PCM1: variants seen among roughly 807,000 people sequenced by gnomAD.
The protein encoded by PCM1 is pericentriolar material 1.
PCM1 carries 157 observed loss-of-function variants against 241.9 expected under a neutral mutation model. That is an observed-to-expected ratio of 0.65 (90% CI 0.57 to 0.74). PCM1 has a LOEUF of 0.74. Ranked by LOEUF, PCM1 falls within the 30% of genes least tolerant of loss-of-function variation. The probability of loss-of-function intolerance (pLI) is 0.00; values close to 1 mark genes in which losing one functional copy is unlikely to be tolerated. For missense variants in PCM1, 3,478 were observed against 2,360.1 expected, an observed-to-expected ratio of 1.47 and a Z score of -9.81; for synonymous variants, 1,085 against 784.9, an observed-to-expected ratio of 1.38 and a Z score of -6.39.
At chr8:17,961,778 G>A (rs1008206510) in intron 15 of PCM1, among the ~76,000 whole-genome samples, 15 of 152,154 alleles carry the variant, frequency 9.9e-5, no homozygotes, top group African/African-American at 3.6e-4. Flanking sequence ...GGTGGGTTAA[G>A]TATACAAAAT....
In PCM1 at chr8:17,966,860, G is replaced by T. The variant is rs2075067347; in HGVS notation, c.3222-120G>T. On this transcript the variant is annotated intron_variant, in intron 20 of 38. Coordinates refer to ENST00000325083, the MANE Select transcript of PCM1 (RefSeq NM_006197.4). The stretch of plus-strand genomic sequence containing the variant: ...ATAGAGCAAGCACGTATTTGTTACA[G>T]TATCAGAGCAGTTTGTCTGCATGCT... 6 of 856,954 alleles carry T rather than the reference G, an allele frequency of 7.0e-6. No homozygotes were observed. The Admixed American group carries it at 1.7e-4, about 24-fold the overall frequency. 53.1% of individuals were successfully genotyped at this position (856,954 alleles called of 1,614,324 possible).
chr8:17,945,503 T>A (rs945308544), intron 6 of PCM1, among the ~76,000 whole-genome samples: 1 of 152,188 alleles, frequency 6.6e-6, no homozygotes, highest in African/African-American at 2.4e-5. Context: ...ATAATCTAAT[T>A]ATAGCCAACT....
chr8:18,014,712 C>T lies in PCM1; in HGVS notation c.5713C>T (p.Pro1905Ser). 2 of 1,613,736 alleles carry T rather than the reference C, an allele frequency of 1.2e-6. No individual in the cohort carries two copies. The highest frequency in any genetic ancestry group is 1.6e-4 in the Middle Eastern group (1 of 6,062). ...TTCAACTCAACAGCCTAACCCTTTG[C>T]CGTTACGTTTACCTGAAATGGAACC... ...VDSTQQPNPL[P>S]LRLPEMEPLV... Residue 1905 changes from proline to serine, a missense_variant, in exon 36 of 39, where the codon CCG becomes TCG. By Grantham distance (74) the Pro-to-Ser change is moderately conservative (BLOSUM62 -1). Transcript: ENST00000325083.
At chr8:17,990,599 A>C (rs1564213170) in intron 27 of PCM1, among the ~76,000 whole-genome samples, 1 of 152,022 alleles carries the variant, frequency 6.6e-6, no homozygotes, top group Admixed American at 6.6e-5. Context: ...AAATTTAAGG[A>C]AAAGAAAAAT....
chr8:17,936,708 A>C (rs1024592673), intron 3 of PCM1, among the ~76,000 whole-genome samples: 1 of 152,204 alleles, frequency 6.6e-6, no homozygotes, highest in Non-Finnish European at 1.5e-5. Context: ...TTCAGAAAAC[A>C]GTAATTAGGT....
chr8:17,962,037 T>G lies in PCM1; in HGVS notation c.2326T>G (p.Ser776Ala). 1 of 1,606,808 alleles carries G rather than the reference T, an allele frequency of 6.2e-7. No homozygotes were observed. Among genetic ancestry groups the G allele is most frequent in the Non-Finnish European group, 8.5e-7 (1 of 1,176,612 alleles). ...TTTTTTGTGAATTCCTTTTTAGCTG[T>G]CAGCTGCTAGTGTGGGTAACTGTCC... Reference protein sequence around the residue: ...LQTACPDLQLSAASVGNCPTK... With the variant: ...LQTACPDLQLAAASVGNCPTK... Residue 776 changes from serine (S) to alanine (A), a missense_variant, in exon 16 of 39, where the codon TCA becomes GCA. Ser to Ala is a moderately conservative substitution (Grantham distance 99). Coordinates refer to ENST00000325083, the MANE Select transcript of PCM1 (RefSeq NM_006197.4).
intron 6 of PCM1, among the ~76,000 whole-genome samples, chr8:17,943,463 C>T (rs779235700): frequency 2.6e-5 from 4 of 152,076 alleles, no homozygotes; most frequent in Admixed American, 6.6e-5. Context: ...TCTCTTTAAT[C>T]CTTCTGAATA....
chr8:17,968,777 T>TAC (rs1458825056), intron 21 of PCM1, among the ~76,000 whole-genome samples: 10 of 148,620 alleles, frequency 6.7e-5, no homozygotes, highest in Non-Finnish European at 1.0e-4. Context: ...TATATATATA[T>TAC]ACACACCACA....
chr8:17,942,863 A>T (rs2062586804), intron 6 of PCM1, among the ~76,000 whole-genome samples: 1 of 151,774 alleles, frequency 6.6e-6, no homozygotes, highest in African/African-American at 2.4e-5. Flanking sequence ...CAGGTGTGGT[A>T]GTATGCACCT....
intron 36 of PCM1, among the ~76,000 whole-genome samples, chr8:18,018,364 G>A (rs1386861980): frequency 6.6e-6 from 1 of 152,278 alleles, no homozygotes; most frequent in East Asian, 1.9e-4. Flanking sequence ...CTGACAAAGG[G>A]AAGATTAAAA....
rs1588119556 is a variant in PCM1, at chr8:17,996,987, CTG to C, written c.4827+3369_4827+3370del. ...ATAATATTCTGTGTACTTTCTATTACTGGTGAATTTTGTACCTTCAGACGATA... is the reference window on the plus strand; with the variant it reads ...ATAATATTCTGTGTACTTTCTATTACGTGAATTTTGTACCTTCAGACGATA... On this transcript the variant is annotated intron_variant, in intron 29 of 38. Transcript: ENST00000325083. 2.0e-5 allele frequency among the ~76,000 whole-genome samples: 3 copies of C among 152,090 alleles called. No homozygotes were observed. In the East Asian group the frequency reaches 5.8e-4, roughly 29 times the overall value.
At chr8:18,014,127 C>T (rs2092872530) in intron 35 of PCM1, 91 bp downstream of exon 35, 1 of 749,836 alleles carries the variant, frequency 1.3e-6, no homozygotes, top group Admixed American at 3.2e-5. Flanking sequence ...ACAGAAAACA[C>T]TAAAATTCTT....
chr8:17,970,492 A>G (rs1357286349), intron 22 of PCM1, among the ~76,000 whole-genome samples: 5 of 151,116 alleles, frequency 3.3e-5, no homozygotes, highest in Admixed American at 2.0e-4. Context: ...TGTATTCACC[A>G]CTAGGAGTGC....
intron 33 of PCM1, 89 bp from the exon 34 acceptor site, chr8:18,011,578 A>AT (rs2092517747): frequency 1.6e-6 from 2 of 1,240,520 alleles, no homozygotes; most frequent in Non-Finnish European, 2.2e-6. Flanking sequence ...TATATAAAGC[A>AT]TCTGTGCCAT....
intron 36 of PCM1, among the ~76,000 whole-genome samples, chr8:18,021,724 G>T (rs1011839982): frequency 2.0e-5 from 3 of 152,118 alleles, no homozygotes; most frequent in Non-Finnish European, 2.9e-5. Flanking sequence ...TAGCTAAATT[G>T]TCAGCTGGAT....
At chr8:17,927,771 C>T (rs2057547544) in intron 2 of PCM1, 3 of 148,882 alleles carry the variant, frequency 2.0e-5, no homozygotes, top group Non-Finnish European at 1.5e-5. Context: ...GGCTAGTCTT[C>T]AACTCCTGAC....
intron 9 of PCM1, 57 bp downstream of exon 9, chr8:17,953,243 C>A: frequency 1.2e-6 from 1 of 800,846 alleles, no homozygotes; most frequent in Non-Finnish European, 1.9e-6. Context: ...TATATACTGT[C>A]ACATAATAAA....
intron 23 of PCM1, 105 bp downstream of exon 23, chr8:17,972,792 T>C (rs2077283813): frequency 3.8e-6 from 2 of 520,858 alleles, no homozygotes; most frequent in Non-Finnish European, 6.4e-6. Flanking sequence ...GTGCAGGTGC[T>C]GTTCTAGACT....
rs2091305810 is a variant in PCM1, at chr8:18,006,346, G to C, written c.4911G>C (p.Glu1637Asp). ...TGACCCTTACCCAGCAAAATGATGA[G>C]AGCAAAGAGTTTGTAAAGTTCTTTC... is the stretch of plus-strand genomic sequence containing the variant. ...MVLTLTQQNDESKEFVKFFHK... is the reference protein window; with the variant it reads ...MVLTLTQQNDDSKEFVKFFHK... The change falls in exon 30 of 39, where the codon GAG becomes GAC. Residue 1637 changes from glutamate (E) to aspartate (D), a missense_variant. Glu to Asp is a conservative substitution (Grantham distance 45). Transcript: ENST00000325083. 1.9e-6 allele frequency: 3 copies of C among 1,613,070 alleles called. No homozygotes were observed. The East Asian group carries it at 6.7e-5, about 36-fold the overall frequency.
Sources: allele counts gnomAD v4.1 joint callset (sites outside exome capture counted in the v4.1 genomes callset), GRCh38; gene constraint gnomAD v4.1.1; transcripts MANE v1.5; gene names NCBI Gene and HGNC (gene_info 2026-07-23, HGNC 2026-07-21).